Variants in C3orf20 observed in about 807,000 individuals in gnomAD.
C3orf20 encodes the protein family with sequence similarity 149 member C, also known as uncharacterized protein C3orf20.
A neutral mutation model predicts 88.3 loss-of-function variants in C3orf20; 76 were observed. That is an observed-to-expected ratio of 0.86 (90% CI 0.72 to 1.04). The LOEUF (loss-of-function observed/expected upper bound fraction) is 1.04. Ranked by LOEUF, C3orf20 falls within the 50% of genes least tolerant of loss-of-function variation. The pLI, the probability that C3orf20 is intolerant of heterozygous loss-of-function variation, is 0.00. For synonymous variants in C3orf20, 436 were observed against 437.4 expected, an observed-to-expected ratio of 1.00 and a Z score of 0.04; for missense variants, 1,056 against 1,123.3, an observed-to-expected ratio of 0.94 and a Z score of 0.86.
chr3:14,727,814 G>C (rs1369024187), intron 11 of C3orf20, among the ~76,000 whole-genome samples: 1 of 152,066 alleles, frequency 6.6e-6, no homozygotes, highest in African/African-American at 2.4e-5. Flanking sequence ...CTTTGTACAT[G>C]TTCTAATTAT....
chr3:14,681,294 G>T (rs770910363), intron 1 of C3orf20, among the ~76,000 whole-genome samples: 1 of 152,236 alleles, frequency 6.6e-6, no homozygotes, highest in Non-Finnish European at 1.5e-5. Context: ...CTGGAATGGC[G>T]AACTTGGGGT....
In C3orf20 at chr3:14,720,772, C is replaced by T. The variant is rs148502834; in HGVS notation, c.1435-881C>T. Among the ~76,000 whole-genome samples the T allele has an allele frequency of 3.5e-4, 53 of 152,336 alleles. 1 individual carries two copies. The highest frequency in any genetic ancestry group is 3.3e-3 in the South Asian group (16 of 4,832). ...CAGCCTTAAATGTGAATTGCTCTAC[C>T]TTGTCTTGACAATATCTGCTCATGC... On this transcript the variant is annotated intron_variant, in intron 9 of 16. Coordinates refer to ENST00000253697, the MANE Select transcript of C3orf20 (RefSeq NM_032137.5).
At chr3:14,746,298 C>T (rs1336632761) in intron 12 of C3orf20, among the ~76,000 whole-genome samples, 3 of 152,010 alleles carry the variant, frequency 2.0e-5, no homozygotes, top group African/African-American at 7.2e-5. Flanking sequence ...CTGGCAAACT[C>T]TGATTGATGA....
At chr3:14,714,274 A>C in intron 8 of C3orf20, 115 bp downstream of exon 8, 1 of 1,165,030 alleles carries the variant, frequency 8.6e-7, no homozygotes, top group Non-Finnish European at 1.2e-6. Flanking sequence ...CGGTGTCCAG[A>C]GATCTAGTAA....
At position 14,704,438 on chromosome 3, in the gene C3orf20, A is replaced by G. The variant is rs755841263; in HGVS notation, c.980A>G (p.Lys327Arg). ...CCCTCTCATCTAATGTTGGCCCGCA[A>G]AGGAGACTCTCAGACCCCGGGTTTA... ...KMPSHLMLAR[K>R]GDSQTPGLHY... is the part of the protein sequence containing the mutation. The change falls in exon 7 of 17, where the codon AAA (lysine) becomes AGA (arginine). Residue 327 changes from lysine to arginine, a missense_variant. Coordinates refer to ENST00000253697, the MANE Select transcript of C3orf20 (RefSeq NM_032137.5). The G allele has an allele frequency of 1.9e-6, 3 of 1,614,010 alleles. No individual in the cohort carries two copies. The highest frequency in any genetic ancestry group is 2.7e-5 in the African/African-American group (2 of 74,908).
At chr3:14,707,962 G>C (rs1447062224) in intron 7 of C3orf20, among the ~76,000 whole-genome samples, 1 of 151,716 alleles carries the variant, frequency 6.6e-6, no homozygotes, top group Non-Finnish European at 1.5e-5. Flanking sequence ...TGGGATTACA[G>C]GTATGCACCA....
At chr3:14,719,840 G>A (rs1159939915) in intron 9 of C3orf20, among the ~76,000 whole-genome samples, 2 of 152,106 alleles carry the variant, frequency 1.3e-5, no homozygotes, top group South Asian at 4.1e-4. Context: ...TACTATTATT[G>A]TCCCCAGGCT....
At chr3:14,716,818 A>G (rs1348462803) in intron 9 of C3orf20, among the ~76,000 whole-genome samples, 1 of 152,186 alleles carries the variant, frequency 6.6e-6, no homozygotes, top group Non-Finnish European at 1.5e-5. Flanking sequence ...TTATAAAATA[A>G]AGATCCCAGG....
At chr3:14,706,817 CAT>C (rs1387093978) in intron 7 of C3orf20, among the ~76,000 whole-genome samples, 2 of 152,116 alleles carry the variant, frequency 1.3e-5, no homozygotes, top group African/African-American at 2.4e-5. Flanking sequence ...GGTCAGAACA[CAT>C]GTGCAGCTAT....
At chr3:14,741,459 G>A (rs1026576257) in intron 12 of C3orf20, among the ~76,000 whole-genome samples, 3 of 152,166 alleles carry the variant, frequency 2.0e-5, no homozygotes, top group African/African-American at 7.2e-5. Context: ...TCTTTTACCA[G>A]ATCCTAGCCC....
chr3:14,693,951 TA>T (rs2124914468), intron 5 of C3orf20, among the ~76,000 whole-genome samples: 1 of 152,346 alleles, frequency 6.6e-6, no homozygotes, highest in East Asian at 1.9e-4. Flanking sequence ...GAAATGGCCA[TA>T]GGGTTTTTGT....
At chr3:14,728,732 A>G in intron 12 of C3orf20, 44 bp downstream of exon 12, 1 of 1,596,232 alleles carries the variant, frequency 6.3e-7, no homozygotes, top group Non-Finnish European at 8.5e-7. Flanking sequence ...GGGTGTTGTG[A>G]TGGGCAGTGG....
chr3:14,713,714 G>A (rs1454186911), intron 7 of C3orf20, among the ~76,000 whole-genome samples: 4 of 152,146 alleles, frequency 2.6e-5, no homozygotes, highest in Admixed American at 6.5e-5. Context: ...AAAGTTCCAC[G>A]TCTCAGGAAA....
At chr3:14,714,777 T>A (rs879768936) in intron 8 of C3orf20, among the ~76,000 whole-genome samples, 12 of 152,126 alleles carry the variant, frequency 7.9e-5, no homozygotes, top group Non-Finnish European at 1.8e-4. Context: ...GATAATTTTT[T>A]AAATTTTTTT....
intron 9 of C3orf20, 144 bp from the exon 10 acceptor site, chr3:14,721,509 C>T (rs1431387917): frequency 1.2e-5 from 14 of 1,192,788 alleles, no homozygotes; most frequent in Middle Eastern, 2.9e-4. Flanking sequence ...CTCCATGAAG[C>T]GGAATTCTAA....
chr3:14,709,951 C>A (rs528131456), intron 7 of C3orf20, among the ~76,000 whole-genome samples: 13 of 152,152 alleles, frequency 8.5e-5, no homozygotes, highest in Non-Finnish European at 1.9e-4. Context: ...GGTATTAATT[C>A]TTTAAATGTC....
chr3:14,761,712 GC>G, intron 15 of C3orf20, 97 bp downstream of exon 15: 2 of 1,344,350 alleles, frequency 1.5e-6, no homozygotes, highest in South Asian at 1.2e-5. Flanking sequence ...AGGGGAGCAG[GC>G]GGGGCTGAAG....
chr3:14,739,475 C>T (rs953041414), intron 12 of C3orf20, among the ~76,000 whole-genome samples: 2 of 152,210 alleles, frequency 1.3e-5, no homozygotes, highest in Non-Finnish European at 2.9e-5. Context: ...TTATATAGCA[C>T]AGGCAGAGTA....
At chr3:14,677,522 G>A (rs1432473517) in intron 1 of C3orf20, among the ~76,000 whole-genome samples, 3 of 151,446 alleles carry the variant, frequency 2.0e-5, no homozygotes, top group African/African-American at 4.9e-5. Flanking sequence ...TTTTTTAGAC[G>A]GGAGTTTCGT....
Sources: allele counts gnomAD v4.1 joint callset (sites outside exome capture counted in the v4.1 genomes callset), GRCh38; gene constraint gnomAD v4.1.1; transcripts MANE v1.5; gene names NCBI Gene and HGNC (gene_info 2026-07-23, HGNC 2026-07-21).